The following PAX5 variants were observed in gnomAD, a reference collection of about 807,000 sequenced individuals.
The protein encoded by PAX5 is paired box protein Pax-5.
In PAX5, 9 loss-of-function variants were observed where a neutral mutation model predicts 43.7. The ratio of observed to expected loss-of-function variants is 0.21; its 90% CI spans 0.12 to 0.36. PAX5 has a LOEUF of 0.36. Ranked by LOEUF, PAX5 falls within the 10% of genes least tolerant of loss-of-function variation. The probability of loss-of-function intolerance (pLI) is 1.00; values close to 1 mark genes in which losing one functional copy is unlikely to be tolerated. For synonymous variants in PAX5, 228 were observed against 214.3 expected (o/e 1.06, Z -0.56); for missense variants, 383 against 532.7 (o/e 0.72, Z 2.77).
rs79785697 is a variant in PAX5, at chr9:36,968,611, C to CA, written c.605-1888_605-1887insT. ...CCACAGCCTGAGTGACCAGATACCC[C>CA]CACATGTGGGCCAAGGCAGAAGTTG... On this transcript the variant is annotated intron_variant, in intron 5 of 9. Transcript: ENST00000358127. Among the ~76,000 whole-genome samples the CA allele has an allele frequency of 3.9e-5, 6 of 152,062 alleles. No individual in the cohort carries two copies. The East Asian group carries it at 1.2e-3, about 29-fold the overall frequency.
intron 6 of PAX5, among the ~76,000 whole-genome samples, chr9:36,962,714 C>T (rs150992996): frequency 4.7e-4 from 71 of 152,316 alleles, no homozygotes; most frequent in African/African-American, 1.6e-3. Context: ...TCAAGCTTCC[C>T]GACCCCAAGG....
chr9:36,902,724 G>A (rs1306240602), intron 7 of PAX5, among the ~76,000 whole-genome samples: 1 of 152,234 alleles, frequency 6.6e-6, no homozygotes, highest in Admixed American at 6.5e-5. Flanking sequence ...GCACAAGACG[G>A]ATTTTAAAAT....
At chr9:36,874,202 C>T (rs146598630) in intron 8 of PAX5, among the ~76,000 whole-genome samples, 2 of 152,190 alleles carry the variant, frequency 1.3e-5, no homozygotes, top group South Asian at 2.1e-4. Flanking sequence ...AGGCAGGCTC[C>T]GAGAAGTCAC....
At chr9:36,922,709 G>A (rs1301295064) in intron 7 of PAX5, 1 of 152,408 alleles carries the variant, frequency 6.6e-6, no homozygotes, top group Non-Finnish European at 1.5e-5. Flanking sequence ...CCTGGGGTAG[G>A]TGCTAGCACT....
intron 6 of PAX5, among the ~76,000 whole-genome samples, chr9:36,957,450 C>T (rs10973140): frequency 0.15 from 23,046 of 152,126 alleles, 2,374 homozygotes; most frequent in East Asian, 0.4. Flanking sequence ...CAAATCAATA[C>T]CTTGTCCATT....
At chr9:36,854,890 TC>T (rs1426691562) in intron 8 of PAX5, among the ~76,000 whole-genome samples, 6 of 152,196 alleles carry the variant, frequency 3.9e-5, no homozygotes, top group South Asian at 4.2e-4. Context: ...CTTCTGTTTC[TC>T]CCGAGAGCCG....
intron 6 of PAX5, among the ~76,000 whole-genome samples, chr9:36,933,013 G>A (rs929345388): frequency 6.6e-6 from 1 of 151,850 alleles, no homozygotes; most frequent in African/African-American, 2.4e-5. Context: ...AAAATAGTCA[G>A]GCTGTGGTGG....
intron 6 of PAX5, among the ~76,000 whole-genome samples, chr9:36,959,814 G>A (rs1416047473): frequency 6.6e-6 from 1 of 152,242 alleles, no homozygotes; most frequent in East Asian, 1.9e-4. Context: ...ACCAGCCTGG[G>A]CTCTGGAGGC....
rs1159618509 is a variant in PAX5, at chr9:36,837,764, TGA to T, written c.*2794_*2795del. 1.7e-5 allele frequency: 4 copies of T among 232,700 alleles called. No individual in the cohort carries two copies. Among genetic ancestry groups the T allele is most frequent in the Non-Finnish European group, 2.5e-5 (3 of 117,958 alleles). The allele number at this position is 232,700 out of a possible 1,614,324, so 14.4% of individuals were successfully genotyped here. ...ATCTGAGGACCAGCAAAGCCTCAGG[TGA>T]GGGAGGAAAGGTATGGGGGGAGCTC... On this transcript the variant is annotated 3_prime_UTR_variant, in exon 10 of 10. Coordinates refer to ENST00000358127, the MANE Select transcript of PAX5 (RefSeq NM_016734.3).
intron 8 of PAX5, among the ~76,000 whole-genome samples, chr9:36,874,052 A>G (rs1402939934): frequency 6.6e-6 from 1 of 152,156 alleles, no homozygotes; most frequent in Non-Finnish European, 1.5e-5. Flanking sequence ...CCTGTAGGGC[A>G]GGCAAGACGC....
intron 5 of PAX5, among the ~76,000 whole-genome samples, chr9:36,977,487 T>C (rs1588130777): frequency 6.6e-6 from 1 of 152,284 alleles, no homozygotes; most frequent in East Asian, 1.9e-4. Context: ...AGGCCCCCTG[T>C]AGCCCGAGTC....
intron 5 of PAX5, among the ~76,000 whole-genome samples, chr9:36,996,218 C>T (rs1490363579): frequency 1.3e-5 from 2 of 152,278 alleles, no homozygotes; most frequent in Non-Finnish European, 2.9e-5. Flanking sequence ...AAACATAGGC[C>T]TCTCCGTGGC....
At chr9:36,936,947 C>T (rs986676211) in intron 6 of PAX5, among the ~76,000 whole-genome samples, 1 of 152,184 alleles carries the variant, frequency 6.6e-6, no homozygotes, top group Admixed American at 6.5e-5. Context: ...TGATGCTCTG[C>T]AAAGGCATAC....
chr9:36,880,281 G>A (rs896259694), intron 8 of PAX5, among the ~76,000 whole-genome samples: 2 of 152,204 alleles, frequency 1.3e-5, no homozygotes, highest in African/African-American at 4.8e-5. Flanking sequence ...CACCCAGCCC[G>A]CACATCCAAG....
At chr9:36,871,788 A>C (rs777833569) in intron 8 of PAX5, among the ~76,000 whole-genome samples, 4 of 152,202 alleles carry the variant, frequency 2.6e-5, no homozygotes, top group Non-Finnish European at 4.4e-5. Context: ...CCAGAGCAGC[A>C]CCAAAGCTGT....
intron 3 of PAX5, among the ~76,000 whole-genome samples, chr9:37,007,123 C>T (rs142482401): frequency 3.6e-4 from 55 of 152,292 alleles, no homozygotes; most frequent in African/African-American, 1.2e-3. Context: ...AGGAGACATC[C>T]GGTTTGGCTT....
chr9:36,846,177 G>A (rs948996367), intron 9 of PAX5, among the ~76,000 whole-genome samples: 1 of 152,240 alleles, frequency 6.6e-6, no homozygotes, highest in African/African-American at 2.4e-5. Flanking sequence ...CCTTTTGAAA[G>A]CTGAGTTAGA....
chr9:36,974,347 C>T (rs1405248879), intron 5 of PAX5, among the ~76,000 whole-genome samples: 8 of 152,166 alleles, frequency 5.3e-5, no homozygotes, highest in Non-Finnish European at 1.2e-4. Flanking sequence ...TCCCCACACC[C>T]CCTGTTCTCA....
At chr9:36,984,481 C>G (rs1274585578) in intron 5 of PAX5, among the ~76,000 whole-genome samples, 1 of 109,638 alleles carries the variant, frequency 9.1e-6, no homozygotes. Context: ...GCTCTTGTCA[C>G]CCAGGCTGGA....
Sources: gnomAD v4.1 joint callset for allele counts (sites outside exome capture counted in the v4.1 genomes callset) on GRCh38, gnomAD v4.1.1 for gene constraint, MANE v1.5 for transcripts, NCBI Gene and HGNC (gene_info 2026-07-23, HGNC 2026-07-21) for gene names.